The following LTV1 variants were observed in gnomAD, a reference collection of about 807,000 sequenced individuals.
The protein encoded by LTV1 is LTV1 ribosome biogenesis factor.
Under a neutral mutation model 59.9 loss-of-function variants are expected in LTV1, and 39 were observed. The observed-to-expected ratio is 0.65, with a 90% CI of 0.50 to 0.85. LTV1 has a LOEUF of 0.85. Ranked by LOEUF, LTV1 falls within the 40% of genes least tolerant of loss-of-function variation. LTV1 has a pLI of 0.00. For missense variants in LTV1, 493 were observed against 549.1 expected, an observed-to-expected ratio of 0.90 and a Z score of 1.02; for synonymous variants, 171 against 189.5, an observed-to-expected ratio of 0.90 and a Z score of 0.80.
rs1562334032 is a variant in LTV1 at position 143,863,444 on chromosome 6, A to G, written c.1345A>G (p.Lys449Glu). The change falls in exon 11 of 11, where the codon AAA becomes GAA. Residue 449 changes from lysine to glutamate, a missense_variant. Physicochemically the swap from Lys to Glu is moderately conservative, Grantham distance 56. Coordinates refer to ENST00000367576, the MANE Select transcript of LTV1 (RefSeq NM_032860.5). This position sits in a 1 kb window ranked among gnomAD's most constrained non-coding sequence, Gnocchi z 4.5. ...KERRVEKKAN[K>E]LAFKLEKRRQ... ...ACGAAGAGTGGAGAAGAAAGCTAAC[A>G]AATTAGCATTTAAACTGGAGAAAAG... 2 of 1,613,854 alleles carry G rather than the reference A, an allele frequency of 1.2e-6. No homozygotes were observed. Among genetic ancestry groups the G allele is most frequent in the Non-Finnish European group, 1.7e-6 (2 of 1,179,828 alleles).
chr6:143,847,054 G>T (rs1235527750), intron 3 of LTV1, among the ~76,000 whole-genome samples: 1 of 152,180 alleles, frequency 6.6e-6, no homozygotes, highest in African/African-American at 2.4e-5. Flanking sequence ...AGGAGACTCA[G>T]AAAGGTTAGG....
In LTV1 at chr6:143,857,796, A is replaced by G; in HGVS notation, c.584A>G (p.Asp195Gly). ...EDDSEWEDVD[D>G]EKGDSNDDYD... ...GACAGCGAGTGGGAAGATGTGGATG[A>G]TGAGAAGGGAGATAGCAATGATGAC... Residue 195 changes from aspartate (D) to glycine (G), a missense_variant, in exon 6 of 11, where the codon GAT becomes GGT. Coordinates refer to ENST00000367576, the MANE Select transcript of LTV1 (RefSeq NM_032860.5). The surrounding 1 kb of genome is among the most constrained non-coding windows in gnomAD (Gnocchi z 5.2). 6.2e-7 allele frequency: 1 copy of G among 1,614,098 alleles called. No individual in the cohort carries two copies. The highest frequency in any genetic ancestry group is 8.5e-7 in the Non-Finnish European group (1 of 1,179,954).
intron 4 of LTV1, among the ~76,000 whole-genome samples, chr6:143,854,428 G>C (rs1777040891): frequency 6.6e-6 from 1 of 151,822 alleles, no homozygotes; most frequent in Admixed American, 6.6e-5. Context: ...TTTTTTGAAG[G>C]GTTTTCGTGT....
At chr6:143,856,884 G>A (rs1486605660) in intron 4 of LTV1, among the ~76,000 whole-genome samples, 1 of 152,206 alleles carries the variant, frequency 6.6e-6, no homozygotes, top group East Asian at 1.9e-4. Flanking sequence ...CTGATGGGAG[G>A]TGTCTCCTAG....
chr6:143,856,922 C>T (rs1381942958), intron 4 of LTV1, among the ~76,000 whole-genome samples: 1 of 152,218 alleles, frequency 6.6e-6, no homozygotes, highest in Non-Finnish European at 1.5e-5. Context: ...CAGGGACCCA[C>T]TTGAGGAGGC....
At chr6:143,851,146 A>G (rs1776977375) in intron 4 of LTV1, among the ~76,000 whole-genome samples, 1 of 152,202 alleles carries the variant, frequency 6.6e-6, no homozygotes, top group Admixed American at 6.5e-5. Flanking sequence ...GGTATGGATT[A>G]AAAAGAAATG....
chr6:143,854,162 C>T (rs1390677703), intron 4 of LTV1, among the ~76,000 whole-genome samples: 1 of 152,178 alleles, frequency 6.6e-6, no homozygotes, highest in Admixed American at 6.5e-5. Flanking sequence ...TCCACTTCCT[C>T]CTGATTTAGC....
intron 3 of LTV1, among the ~76,000 whole-genome samples, 179 bp downstream of exon 3, chr6:143,846,403 C>T (rs1776891645): frequency 6.6e-6 from 1 of 152,192 alleles, no homozygotes; most frequent in Admixed American, 6.5e-5. Context: ...TAGGTCACGT[C>T]TTCTCTGGTG....
At chr6:143,852,232 TC>T (rs1161620040) in intron 4 of LTV1, among the ~76,000 whole-genome samples, 3 of 152,178 alleles carry the variant, frequency 2.0e-5, no homozygotes, top group African/African-American at 7.2e-5. Context: ...CTCTCCAGAA[TC>T]TGTTGTTTCC....
At position 143,863,269 on chromosome 6, in the gene LTV1, A is replaced by G. The variant is rs1305902843; in HGVS notation, c.1300A>G (p.Ile434Val). The G allele has an allele frequency of 4.3e-6, 7 of 1,613,872 alleles. No homozygotes were observed. The highest frequency in any genetic ancestry group is 4.5e-5 in the East Asian group (2 of 44,832). Reference sequence around the variant, plus strand: ...AGATAAAAGAGCAAGAAAGCAAGCTATAAAAGAAGAGCGCAAGGTAAAATA... The same window carrying G: ...AGATAAAAGAGCAAGAAAGCAAGCTGTAAAAGAAGAGCGCAAGGTAAAATA... ...KEDKRARKQAIKEERKERRVE... is the reference protein window; with the variant it reads ...KEDKRARKQAVKEERKERRVE... The change falls in exon 10 of 11, where the codon ATA becomes GTA. Residue 434 changes from isoleucine to valine, a missense_variant. By Grantham distance (29) the Ile-to-Val change is conservative. Coordinates refer to ENST00000367576, the MANE Select transcript of LTV1 (RefSeq NM_032860.5). The surrounding 1 kb of genome is among the most constrained non-coding windows in gnomAD (Gnocchi z 4.5).
intron 2 of LTV1, 130 bp downstream of exon 2, chr6:143,844,747 C>A: frequency 1.1e-6 from 1 of 937,086 alleles, no homozygotes; most frequent in Non-Finnish European, 1.5e-6. Flanking sequence ...TTAAGCAGTC[C>A]TCCCAGCTTG....
Position 143,863,745 on chromosome 6 carries a change from C to G in LTV1, c.*218C>G, listed in dbSNP as rs1777216694. 3 of 375,114 alleles carry G rather than the reference C, an allele frequency of 8.0e-6. No homozygotes were observed. The East Asian group carries it at 1.2e-4, about 15-fold the overall frequency. The allele number at this position is 375,114 out of a possible 1,614,324, so 23.2% of individuals were successfully genotyped here. On this transcript the variant is annotated 3_prime_UTR_variant, in exon 11 of 11. Coordinates refer to ENST00000367576, the MANE Select transcript of LTV1 (RefSeq NM_032860.5). This position sits in a 1 kb window ranked among gnomAD's most constrained non-coding sequence, Gnocchi z 4.5. ...TTAATATTATAAGCTTACATTTGCT[C>G]TGAAGTAAATGACTTCATGAATGTG...
At chr6:143,859,312 CTGT>C (rs1172111609) in intron 6 of LTV1, among the ~76,000 whole-genome samples, 2 of 152,308 alleles carry the variant, frequency 1.3e-5, no homozygotes, top group East Asian at 3.9e-4. Flanking sequence ...CCCACCTATC[CTGT>C]TGTTTGTTCT....
intron 2 of LTV1, 148 bp downstream of exon 2, chr6:143,844,765 A>G (rs1776863105): frequency 4.1e-6 from 3 of 723,146 alleles, no homozygotes; most frequent in African/African-American, 3.6e-5. Context: ...TTGGCCTCCA[A>G]AAGTGCTGGG....
rs1295100202 is a variant in LTV1, at chr6:143,857,896, T to G, written c.684T>G (p.Asp228Glu). The change falls in exon 6 of 11, where the codon GAT (aspartate) becomes GAG (glutamate). Residue 228 changes from aspartate to glutamate, a missense_variant. Physicochemically the swap from Asp to Glu is conservative, Grantham distance 45. Transcript: ENST00000367576. This position sits in a 1 kb window ranked among gnomAD's most constrained non-coding sequence, Gnocchi z 5.2. ...VPGKTHRAIA[D>E]HLFWSEETKS... ...GAAAAACTCACAGAGCTATAGCAGA[T>G]CACTTGTTCTGGAGTGAGGAAACAA... The G allele has an allele frequency of 6.2e-7, 1 of 1,614,094 alleles. No individual in the cohort carries two copies. Among genetic ancestry groups the G allele is most frequent in the South Asian group, 1.1e-5 (1 of 91,080 alleles).
In LTV1 at chr6:143,857,367, T is replaced by C. The variant is rs754385284; in HGVS notation, c.462T>C (p.Asp154=). 3.7e-6 allele frequency: 6 copies of C among 1,613,960 alleles called. No individual in the cohort carries two copies. Among genetic ancestry groups the C allele is most frequent in the South Asian group, 3.3e-5 (3 of 91,082 alleles). The change falls in exon 5 of 11, where the codon GAT becomes GAC. Residue 154 remains aspartate (D), a synonymous_variant. Transcript: ENST00000367576. This position sits in a 1 kb window ranked among gnomAD's most constrained non-coding sequence, Gnocchi z 5.2. ...TTGATGATGATTTTGACTTTGATGA[T>C]CCAGATAATCTGCTTGAGGATGACT... ...AALDDDFDFD[D]PDNLLEDDFI...
intron 7 of LTV1, among the ~76,000 whole-genome samples, chr6:143,861,039 G>A (rs981932839): frequency 6.6e-6 from 1 of 151,716 alleles, no homozygotes; most frequent in African/African-American, 2.4e-5. Flanking sequence ...TGTGATTACA[G>A]GTGCACACCA....
rs746812172 is a variant in LTV1, at chr6:143,844,516, A to G, written c.34A>G (p.Lys12Glu). Residue 12 changes from lysine (K) to glutamate (E), a missense_variant, in exon 2 of 11, where the codon AAG becomes GAG. Physicochemically the swap from Lys to Glu is moderately conservative, Grantham distance 56. Transcript: ENST00000367576. ...CAGGAAGAAAAAGCCCTTTATAGAG[A>G]AGAAGAAAGCTGTGTCTTTTCACTT... ...PHRKKKPFIE[K>E]KKAVSFHLVH... 1 of 1,614,002 alleles carries G rather than the reference A, an allele frequency of 6.2e-7. No individual in the cohort carries two copies. Among genetic ancestry groups the G allele is most frequent in the East Asian group, 2.2e-5 (1 of 44,870 alleles).
Position 143,846,068 on chromosome 6 carries a change from G to A in LTV1, c.153G>A (p.Arg51=). The change falls in exon 3 of 11, where the codon AGG becomes AGA. Residue 51 remains arginine (R), a synonymous_variant. Transcript: ENST00000367576. The part of the protein sequence containing the change: ...LPTQKIDNEE[R]RAEQRKYGVF... ...GTTTATAGATAGACAATGAAGAAAG[G>A]CGAGCAGAACAGAGGAAGTATGGAG... is the stretch of plus-strand genomic sequence containing the variant. 6.2e-7 allele frequency: 1 copy of A among 1,612,870 alleles called. No individual in the cohort carries two copies. Among genetic ancestry groups the A allele is most frequent in the Non-Finnish European group, 8.5e-7 (1 of 1,179,662 alleles).
Sources: allele counts gnomAD v4.1 joint callset (sites outside exome capture counted in the v4.1 genomes callset), GRCh38; gene constraint gnomAD v4.1.1; non-coding constraint Gnocchi (gnomAD v3.1); transcripts MANE v1.5; gene names NCBI Gene and HGNC (gene_info 2026-07-23, HGNC 2026-07-21).